RTF2: variants seen among roughly 807,000 people sequenced by gnomAD.
The protein encoded by RTF2 is replication termination factor 2.
RTF2 carries 18 observed loss-of-function variants against 38.0 expected under a neutral mutation model. The observed-to-expected ratio is 0.47, with a 90% CI of 0.33 to 0.70. RTF2 has a LOEUF of 0.70. RTF2 is among the 30% of genes least tolerant of loss of function. The pLI, the probability that RTF2 is intolerant of heterozygous loss-of-function variation, is 0.02. For missense variants in RTF2, 311 were observed against 379.6 expected (o/e 0.82, Z 1.50); for synonymous variants, 126 against 137.1 (o/e 0.92, Z 0.57).
At chr20:56,510,344 A>G (rs1385870470) in intron 5 of RTF2, among the ~76,000 whole-genome samples, 2 of 152,172 alleles carry the variant, frequency 1.3e-5, no homozygotes, top group Non-Finnish European at 2.9e-5. Flanking sequence ...TGTCCTGAGC[A>G]TTGTGCTGTG....
intron 4 of RTF2, among the ~76,000 whole-genome samples, chr20:56,478,096 T>C (rs897831556): frequency 6.6e-6 from 1 of 152,188 alleles, no homozygotes; most frequent in African/African-American, 2.4e-5. Flanking sequence ...AGTACAGTCA[T>C]ACCTCGGAGA....
At chr20:56,517,332 C>G in intron 8 of RTF2, 131 bp downstream of exon 8, 4 of 697,012 alleles carry the variant, frequency 5.7e-6, no homozygotes, top group Non-Finnish European at 1.0e-5. Context: ...AGAGAGTGCA[C>G]TGAACTCTCT....
chr20:56,490,189 C>T (rs950931971), intron 5 of RTF2, among the ~76,000 whole-genome samples: 1 of 152,182 alleles, frequency 6.6e-6, no homozygotes, highest in African/African-American at 2.4e-5. Context: ...CATTTCTATG[C>T]GTGGGAAGCT....
At position 56,492,949 on chromosome 20, in the gene RTF2, G is replaced by A. The variant is rs189978457; in HGVS notation, c.477+8760G>A. Among the ~76,000 whole-genome samples the A allele has an allele frequency of 5.3e-5, 8 of 152,226 alleles. No individual in the cohort carries two copies. The East Asian group carries it at 7.7e-4, about 15-fold the overall frequency. On this transcript the variant is annotated intron_variant, in intron 5 of 8. Coordinates refer to ENST00000357348, the MANE Select transcript of RTF2 (RefSeq NM_016407.5). ...TCCCAGCACTTTGGGAGGCCGAGGC[G>A]GGTGGATCACGAGGGCAGGAGATCA...
chr20:56,483,513 G>C (rs1334346696), intron 4 of RTF2, among the ~76,000 whole-genome samples: 1 of 151,684 alleles, frequency 6.6e-6, no homozygotes, highest in Non-Finnish European at 1.5e-5. Context: ...TTTTTTTTTA[G>C]AGATAGGTTC....
At chr20:56,486,190 C>T (rs1982784282) in intron 5 of RTF2, among the ~76,000 whole-genome samples, 1 of 152,048 alleles carries the variant, frequency 6.6e-6, no homozygotes, top group Admixed American at 6.5e-5. Flanking sequence ...CTTTAATCTT[C>T]GTACGTTTGT....
intron 4 of RTF2, among the ~76,000 whole-genome samples, chr20:56,477,665 A>T (rs1162537970): frequency 6.6e-6 from 1 of 151,944 alleles, no homozygotes; most frequent in South Asian, 2.1e-4. Flanking sequence ...TTGTAGGCGT[A>T]AGCCACCACG....
At chr20:56,516,856 C>T (rs1444602115) in intron 6 of RTF2, 79 bp from the exon 7 acceptor site, 39 of 1,369,176 alleles carry the variant, frequency 2.8e-5, no homozygotes, top group Middle Eastern at 3.6e-4. Flanking sequence ...ACAGGGCACC[C>T]GGGACAATGG....
chr20:56,506,090 T>C (rs1984249990), intron 5 of RTF2, among the ~76,000 whole-genome samples: 1 of 152,206 alleles, frequency 6.6e-6, no homozygotes, highest in Non-Finnish European at 1.5e-5. Flanking sequence ...GGCTTTAAAA[T>C]CTCATCTCCT....
chr20:56,503,073 A>T (rs935095194), intron 5 of RTF2, among the ~76,000 whole-genome samples: 1 of 152,204 alleles, frequency 6.6e-6, no homozygotes, highest in African/African-American at 2.4e-5. Flanking sequence ...CCTCGGGGTA[A>T]TGCGGCCCCA....
chr20:56,498,052 C>G (rs917159439), intron 5 of RTF2, among the ~76,000 whole-genome samples: 1 of 152,198 alleles, frequency 6.6e-6, no homozygotes, highest in East Asian at 1.9e-4. Flanking sequence ...TGTAGTTTTA[C>G]TTTGCATTTC....
intron 5 of RTF2, among the ~76,000 whole-genome samples, chr20:56,493,756 C>G (rs1456595121): frequency 6.6e-6 from 1 of 151,736 alleles, no homozygotes; most frequent in Non-Finnish European, 1.5e-5. Context: ...TATAATGATA[C>G]AGCTGTGCCA....
Position 56,518,420 on chromosome 20 carries a change from G to C in RTF2, c.*155G>C, listed in dbSNP as rs992515554. ...CCTTCAAGCTGGTGTGGCCACTCTTGATGTGAGGCGTGTCGGTTCCAGGGG... is the reference window on the plus strand; with the variant it reads ...CCTTCAAGCTGGTGTGGCCACTCTTCATGTGAGGCGTGTCGGTTCCAGGGG... On this transcript the variant is annotated 3_prime_UTR_variant, in exon 9 of 9. Coordinates refer to ENST00000357348, the MANE Select transcript of RTF2 (RefSeq NM_016407.5). 5.9e-6 allele frequency: 4 copies of C among 681,818 alleles called. No homozygotes were observed. Among genetic ancestry groups the C allele is most frequent in the Non-Finnish European group, 9.3e-6 (4 of 429,744 alleles). 42.2% of individuals were successfully genotyped at this position (681,818 alleles called of 1,614,324 possible). A position where few individuals can be genotyped will look rare whatever the true frequency, so the allele number is the denominator to read the frequency against.
rs1273419871 is a variant in RTF2 at position 56,517,021 on chromosome 20, A to G, written c.646+32A>G. The stretch of plus-strand genomic sequence containing the variant: ...TCCTTCAAGAGATCCTTATTTTAGC[A>G]AAATGCGACTCTAGGGCAGTCTGCT... On this transcript the variant is annotated intron_variant, in intron 7 of 8. Transcript: ENST00000357348. 5 of 1,610,842 alleles carry G rather than the reference A, an allele frequency of 3.1e-6. No homozygotes were observed. The African/African-American group carries it at 6.7e-5, about 21-fold the overall frequency.
At chr20:56,487,782 G>A (rs1311666003) in intron 5 of RTF2, among the ~76,000 whole-genome samples, 2 of 152,216 alleles carry the variant, frequency 1.3e-5, no homozygotes, top group East Asian at 3.9e-4. Flanking sequence ...TCTGAGGGAA[G>A]GATCTGGTCC....
At chr20:56,492,034 A>G (rs1165768052) in intron 5 of RTF2, among the ~76,000 whole-genome samples, 1 of 152,156 alleles carries the variant, frequency 6.6e-6, no homozygotes, top group Non-Finnish European at 1.5e-5. Context: ...TTAGGTGAAT[A>G]CCATGGGATT....
rs774875921 is a variant in RTF2, at chr20:56,499,194, C to CTTTTTT, written c.478-14106_478-14101dup. 4.9e-3 allele frequency among the ~76,000 whole-genome samples: 654 copies of CTTTTTT among 133,004 alleles called. 6 individuals carry two copies. Among genetic ancestry groups the CTTTTTT allele is most frequent in the South Asian group, 0.019 (78 of 4,128 alleles). 87.3% of individuals were successfully genotyped at this position (133,004 alleles called of 152,430 possible). On this transcript the variant is annotated intron_variant, in intron 5 of 8. Coordinates refer to ENST00000357348, the MANE Select transcript of RTF2 (RefSeq NM_016407.5). ...TTCTTATAAATTATGTAATACTTATCTTTTTTTTTTTTTTTTTTTTGAGAC... is the reference window on the plus strand; with the variant it reads ...TTCTTATAAATTATGTAATACTTATCTTTTTTTTTTTTTTTTTTTTTTTTTTGAGAC...
chr20:56,509,776 T>C (rs1227232715), intron 5 of RTF2, among the ~76,000 whole-genome samples: 3 of 152,294 alleles, frequency 2.0e-5, no homozygotes, highest in African/African-American at 7.2e-5. Flanking sequence ...AGTTAACTTA[T>C]GGCCAGTCAT....
intron 3 of RTF2, among the ~76,000 whole-genome samples, chr20:56,475,012 G>T (rs1032210079): frequency 6.6e-6 from 1 of 152,094 alleles, no homozygotes; most frequent in Non-Finnish European, 1.5e-5. Context: ...TGAAAATTTT[G>T]ATGTTCTCTA....
Sources: allele counts gnomAD v4.1 joint callset (sites outside exome capture counted in the v4.1 genomes callset), GRCh38; gene constraint gnomAD v4.1.1; transcripts MANE v1.5; gene names NCBI Gene and HGNC (gene_info 2026-07-23, HGNC 2026-07-21).